CSAD: variants seen among roughly 807,000 people sequenced by gnomAD.
The protein encoded by CSAD is P-selectin cytoplasmic tail-associated protein.
CSAD carries 47 observed loss-of-function variants against 61.5 expected under a neutral mutation model. The ratio of observed to expected loss-of-function variants is 0.76; its 90% confidence interval spans 0.60 to 0.97. The LOEUF (loss-of-function observed/expected upper bound fraction) is 0.97, where lower values mean the gene tolerates loss of function less well. Ranked by LOEUF, CSAD falls within the 50% of genes least tolerant of loss-of-function variation. The probability of loss-of-function intolerance (pLI) is 0.00; values close to 1 mark genes in which losing one functional copy is unlikely to be tolerated. For missense variants in CSAD, 611 were observed against 643.6 expected (o/e 0.95, Z 0.55); for synonymous variants, 245 against 252.7 (o/e 0.97, Z 0.29).
intron 10 of CSAD, among the ~76,000 whole-genome samples, chr12:53,163,236 A>G (rs1336835450): frequency 6.6e-6 from 1 of 152,028 alleles, no homozygotes; most frequent in African/African-American, 2.4e-5. Context: ...CCCTGTCTCC[A>G]AAAACAAACA....
intron 2 of CSAD, among the ~76,000 whole-genome samples, chr12:53,175,076 G>C (rs1941003950): frequency 6.6e-6 from 1 of 152,316 alleles, no homozygotes; most frequent in East Asian, 1.9e-4. Flanking sequence ...ATTACCCTAG[G>C]TGCTGCATCT....
chr12:53,173,232 G>A, intron 4 of CSAD, 113 bp downstream of exon 4: 1 of 986,808 alleles, frequency 1.0e-6, no homozygotes, highest in Non-Finnish European at 1.5e-6. Flanking sequence ...AAGGAAAAAA[G>A]GAAGGAAGAA....
chr12:53,159,686 C>A lies in CSAD; in HGVS notation c.1245G>T (p.Trp415Cys). The A allele has an allele frequency of 6.2e-7, 1 of 1,611,056 alleles. No homozygotes were observed. Among genetic ancestry groups the A allele is most frequent in the Non-Finnish European group, 8.5e-7 (1 of 1,178,674 alleles). The change falls in exon 16 of 17, where the codon TGG becomes TGT. Residue 415 changes from tryptophan (W) to cysteine (C), a missense_variant. Transcript: ENST00000444623. ...TCCCTCGCAGGCTGGGGGGTACGAA[C>A]CAGAAACACACATTGACAAACTCAG... ...MEPEFVNVCF[W>C]FVPPSLRGKQ...
chr12:53,172,391 TG>T lies in CSAD; in HGVS notation c.298del (p.His100MetfsTer33). 6.2e-7 allele frequency: 1 copy of T among 1,614,050 alleles called. No individual in the cohort carries two copies. The highest frequency in any genetic ancestry group is 8.5e-7 in the Non-Finnish European group (1 of 1,180,006). On this transcript the variant is annotated frameshift_variant, in exon 6 of 17. Transcript: ENST00000444623. LOFTEE classifies it high-confidence loss of function. ...AGTGATAATGCGCCCGGCCAGAGCA[TG>T]GGGATCCAACCCAGAGAAGAGCTGG... Reference protein sequence around the residue: ...FNQLFSGLDPHALAGRIITES... With the variant: ...FNQLFSGLDPXALAGRIITES...
chr12:53,170,764 A>T, intron 8 of CSAD: 1 of 470,370 alleles, frequency 2.1e-6, no homozygotes, highest in Non-Finnish European at 3.9e-6. Flanking sequence ...TCTGTCACCC[A>T]GGCTGGAGTG....
chr12:53,161,454 C>T, intron 10 of CSAD, 65 bp from the exon 11 acceptor site: 1 of 1,332,462 alleles, frequency 7.5e-7, no homozygotes, highest in Non-Finnish European at 1.1e-6. Context: ...GAGCCTGATG[C>T]TGGGCCCAGC....
chr12:53,180,675 G>A, intron 1 of CSAD, 57 bp downstream of exon 1: 9 of 1,277,720 alleles, frequency 7.0e-6, no homozygotes, highest in South Asian at 1.3e-5. Flanking sequence ...GAGAGGACGA[G>A]GGGGAGGGGG....
At chr12:53,176,840 C>T (rs1941144994) in intron 2 of CSAD, among the ~76,000 whole-genome samples, 1 of 152,140 alleles carries the variant, frequency 6.6e-6, no homozygotes, top group African/African-American at 2.4e-5. Context: ...TCAAACAATT[C>T]TCCCACCTCA....
chr12:53,160,151 G>A lies in CSAD; in HGVS notation c.1135C>T (p.Arg379Trp), dbSNP rs1004198719. ...AGGACAAAGGCCTGGTCGATGCGCC[G>A]CTCCAGCCCTTGATCGCCCTGTGCC... ...WKAQGDQGLE[R>W]RIDQAFVLAR... Residue 379 changes from arginine (R) to tryptophan (W), a missense_variant, in exon 14 of 17, where the codon CGG becomes TGG. Transcript: ENST00000444623. 9 of 1,613,506 alleles carry A rather than the reference G, an allele frequency of 5.6e-6. No homozygotes were observed. In the Admixed American group the frequency reaches 6.7e-5, roughly 12 times the overall value.
Position 53,171,964 on chromosome 12 carries a change from C to A in CSAD, c.369G>T (p.Val123=). 1 of 1,614,042 alleles carries A rather than the reference C, an allele frequency of 6.2e-7. No homozygotes were observed. The highest frequency in any genetic ancestry group is 8.5e-7 in the Non-Finnish European group (1 of 1,179,972). Residue 123 remains valine (V), a synonymous_variant, in exon 7 of 17, where the codon GTG becomes GTT. Coordinates refer to ENST00000444623, the MANE Select transcript of CSAD (RefSeq NM_001244705.2). ...GCACCTCCTCTTCCATGAGCACAAA[C>A]ACGGGGGCGATTTCATATGTGTACC... ...TSQYTYEIAP[V]FVLMEEEVLR...
chr12:53,166,207 G>T (rs1258118542), intron 10 of CSAD: 1 of 152,286 alleles, frequency 6.6e-6, no homozygotes, highest in Non-Finnish European at 1.5e-5. Context: ...GTGCGCACCT[G>T]TAACCCCAGC....
upstream of CSAD, chr12:53,180,932 G>A (rs1267114903): frequency 9.5e-6 from 10 of 1,057,918 alleles, no homozygotes; most frequent in African/African-American, 1.7e-5. Flanking sequence ...GAAGGGGGAG[G>A]GGAGGGGAGG....
At position 53,172,520 on chromosome 12, in the gene CSAD, A is replaced by C. The variant is rs764426535; in HGVS notation, c.253+2T>G. 1.2e-6 allele frequency: 2 copies of C among 1,614,146 alleles called. No homozygotes were observed. The highest frequency in any genetic ancestry group is 1.7e-5 in the Admixed American group (1 of 60,024). On this transcript the variant is annotated splice_donor_variant, in intron 5 of 16. Transcript: ENST00000444623. LOFTEE classifies it high-confidence loss of function. ...CTCCTCCTCACAGAAGCCAGGGCCCACCAGTCTTGACACTGTAGCGAATCA... is the reference window on the plus strand; with the variant it reads ...CTCCTCCTCACAGAAGCCAGGGCCCCCCAGTCTTGACACTGTAGCGAATCA...
chr12:53,166,813 C>CAA (rs1196099190), intron 10 of CSAD, among the ~76,000 whole-genome samples: 1 of 151,400 alleles, frequency 6.6e-6, no homozygotes, highest in East Asian at 1.9e-4. Context: ...CAAAACAAAA[C>CAA]AAAACAAAAA....
chr12:53,173,291 GAGAAA>G (rs1433481978), intron 4 of CSAD, 49 bp downstream of exon 4: 50 of 1,494,036 alleles, frequency 3.3e-5, no homozygotes, highest in Admixed American at 5.7e-5. Flanking sequence ...AAAAAGAAAA[GAGAAA>G]AGAAAAGAAA....
intron 1 of CSAD, chr12:53,179,500 A>G (rs1397866441): frequency 2.2e-6 from 1 of 447,926 alleles, no homozygotes; most frequent in African/African-American, 2.1e-5. Flanking sequence ...GATTTGTAAA[A>G]TAAGTAGGAG....
chr12:53,180,343 A>G, intron 1 of CSAD: 1 of 985,238 alleles, frequency 1.0e-6, no homozygotes, highest in Non-Finnish European at 1.2e-6. Context: ...AGCGATGGGC[A>G]GGACGTCCGC....
intron 2 of CSAD, among the ~76,000 whole-genome samples, chr12:53,177,737 C>G (rs1941215257): frequency 6.6e-6 from 1 of 152,110 alleles, no homozygotes; most frequent in African/African-American, 2.4e-5. Flanking sequence ...CTCCCGGGTT[C>G]AAGTGATTCT....
At position 53,173,822 on chromosome 12, in the gene CSAD, A is replaced by G. The variant is rs116183022; in HGVS notation, c.-49-52T>C. 378 of 1,583,778 alleles carry G rather than the reference A, an allele frequency of 2.4e-4. 1 individual carries two copies. In the African/African-American group the frequency reaches 4.6e-3, roughly 19 times the overall value. On this transcript the variant is annotated intron_variant, in intron 2 of 16. Coordinates refer to ENST00000444623, the MANE Select transcript of CSAD (RefSeq NM_001244705.2). ...GAGGAAGTGGGGTGAAAAGTGTACA[A>G]TTAAGTGTTTTTTTCATAAATTCAC...
Sources: allele counts gnomAD v4.1 joint callset (sites outside exome capture counted in the v4.1 genomes callset), GRCh38; gene constraint gnomAD v4.1.1; transcripts MANE v1.5; gene names NCBI Gene and HGNC (gene_info 2026-07-23, HGNC 2026-07-21).